DAB1: variants seen among roughly 807,000 people sequenced by gnomAD.
DAB1 encodes DAB adaptor protein 1.
Under a neutral mutation model 64.6 loss-of-function variants are expected in DAB1, and 15 were observed. That is an observed-to-expected ratio of 0.23 (90% CI 0.16 to 0.36). DAB1 has a LOEUF of 0.36. Ranked by LOEUF, DAB1 falls within the 10% of genes least tolerant of loss-of-function variation. DAB1 has a pLI of 1.00. For missense variants in DAB1, 596 were observed against 706.7 expected (o/e 0.84, Z 1.78); for synonymous variants, 235 against 251.9 (o/e 0.93, Z 0.64).
intron 1 of DAB1, among the ~76,000 whole-genome samples, chr1:57,390,755 T>A (rs981388038): frequency 1.3e-5 from 2 of 152,216 alleles, no homozygotes; most frequent in African/African-American, 4.8e-5. Context: ...CAGCCTATCT[T>A]AATCTTCCCA....
chr1:58,496,234 T>C (rs977266352), intron 3 of DAB1, among the ~76,000 whole-genome samples: 1 of 152,148 alleles, frequency 6.6e-6, no homozygotes, highest in East Asian at 1.9e-4. Context: ...TCCGCATCAA[T>C]GAGTCTTTGC....
Position 57,574,100 on chromosome 1 carries a change from G to A in DAB1, n.625+75492C>T, listed in dbSNP as rs6683128. Among the ~76,000 whole-genome samples, 550 of 152,310 alleles carry A rather than the reference G, an allele frequency of 3.6e-3. 6 individuals carry two copies. Among genetic ancestry groups the A allele is most frequent in the African/African-American group, 0.013 (529 of 41,558 alleles). Reference sequence around the variant, plus strand: ...GAAGTCCATATTGCAATATCCTGGGGATTTTTCCAAACTTTTGTTCAACTA... The same window carrying A: ...GAAGTCCATATTGCAATATCCTGGGAATTTTTCCAAACTTTTGTTCAACTA... On this transcript the variant is annotated intron_variant and non_coding_transcript_variant, in intron 7 of 20. Coordinates refer to the DAB1 transcript ENST00000485760.
chr1:58,361,407 A>G (rs6695605), intron 3 of DAB1, among the ~76,000 whole-genome samples: 30,695 of 152,250 alleles, frequency 0.2, 3,182 homozygotes, highest in Middle Eastern at 0.3. Context: ...CCCCACTATC[A>G]TGCAATGACC....
chr1:57,074,739 T>C (rs1214470467), intron 4 of DAB1, among the ~76,000 whole-genome samples: 1 of 152,188 alleles, frequency 6.6e-6, no homozygotes, highest in Non-Finnish European at 1.5e-5. Flanking sequence ...GACTGCTCAG[T>C]TACCCTAGTC....
At chr1:57,688,126 C>A (rs12068556) in intron 6 of DAB1, among the ~76,000 whole-genome samples, 1,689 of 152,158 alleles carry the variant, frequency 0.011, 27 homozygotes, top group African/African-American at 0.039. Flanking sequence ...AATAAACAGA[C>A]AACCAACAGA....
Position 57,319,943 on chromosome 1 carries a change from G to T in DAB1, c.-136-28777C>A, listed in dbSNP as rs1050055286. ...ATCTATAGCAGCTATCCTGGGACCA[G>T]GAAGCAATTAATCTAAGGATGGCAC... On this transcript the variant is annotated intron_variant, in intron 1 of 14. Transcript: ENST00000371236. 5.5e-4 allele frequency among the ~76,000 whole-genome samples: 84 copies of T among 152,172 alleles called. 2 individuals are homozygous for T. The highest frequency in any genetic ancestry group is 2.9e-5 in the Non-Finnish European group (2 of 68,034).
In DAB1 at chr1:58,178,304, GCACATGCACACA is replaced by G. The variant is rs144068968; in HGVS notation, n.310-27728_310-27717del. Among the ~76,000 whole-genome samples the G allele has an allele frequency of 9.2e-5, 14 of 152,026 alleles. No homozygotes were observed. The East Asian group carries it at 2.7e-3, about 29-fold the overall frequency. ...TCCGAAGCACAGAAAACACACATAC[GCACATGCACACA>G]CACATGCATGCATACATGCACATAT... On this transcript the variant is annotated intron_variant and non_coding_transcript_variant, in intron 4 of 20. Transcript: ENST00000485760.
intron 7 of DAB1, among the ~76,000 whole-genome samples, chr1:57,499,442 G>A (rs12117185): frequency 0.11 from 17,136 of 152,170 alleles, 1,353 homozygotes; most frequent in Non-Finnish European, 0.18. Context: ...TATATTTATC[G>A]CACAGAGTGA....
intron 1 of DAB1, chr1:57,867,073 T>C (rs1361325330): frequency 1.3e-5 from 2 of 152,124 alleles, no homozygotes; most frequent in African/African-American, 4.8e-5. Context: ...ATTTACCAAA[T>C]TGCAAAGGAA....
intron 2 of DAB1, among the ~76,000 whole-genome samples, chr1:57,192,121 A>G (rs1290260925): frequency 6.6e-6 from 1 of 152,124 alleles, no homozygotes; most frequent in Non-Finnish European, 1.5e-5. Flanking sequence ...GTTTGAGACT[A>G]GCCTTGCCAA....
intron 1 of DAB1, among the ~76,000 whole-genome samples, chr1:57,856,984 T>G (rs1653784562): frequency 6.6e-6 from 1 of 152,172 alleles, no homozygotes; most frequent in African/African-American, 2.4e-5. Flanking sequence ...ATGATGATCA[T>G]GACCTGTGCA....
intron 9 of DAB1, among the ~76,000 whole-genome samples, chr1:57,051,313 G>A (rs1649161189): frequency 1.3e-5 from 2 of 152,198 alleles, no homozygotes; most frequent in Admixed American, 1.3e-4. Flanking sequence ...GGTGCTTAAT[G>A]AGGAAGTGAA....
intron 5 of DAB1, among the ~76,000 whole-genome samples, chr1:58,145,071 C>T (rs1161602216): frequency 2.0e-5 from 3 of 152,188 alleles, no homozygotes; most frequent in Non-Finnish European, 2.9e-5. Flanking sequence ...AAACAAGAGA[C>T]GGAAACCTTT....
chr1:57,447,911 C>T (rs1172395278), intron 7 of DAB1, among the ~76,000 whole-genome samples: 1 of 152,114 alleles, frequency 6.6e-6, no homozygotes, highest in Admixed American at 6.5e-5. Flanking sequence ...CTGAATGAAG[C>T]AATGATGGCA....
intron 3 of DAB1, among the ~76,000 whole-genome samples, chr1:58,419,271 A>G (rs1023706631): frequency 6.6e-6 from 1 of 152,214 alleles, no homozygotes; most frequent in African/African-American, 2.4e-5. Flanking sequence ...GTATGAAACC[A>G]TAAGACTCTC....
intron 4 of DAB1, among the ~76,000 whole-genome samples, chr1:58,289,737 A>G (rs568986101): frequency 3.3e-5 from 5 of 152,330 alleles, no homozygotes; most frequent in African/African-American, 1.2e-4. Context: ...TAGTTAATTC[A>G]TGGAGGCAGA....
intron 7 of DAB1, among the ~76,000 whole-genome samples, chr1:57,637,846 T>C (rs919687388): frequency 6.6e-6 from 1 of 152,160 alleles, no homozygotes; most frequent in Non-Finnish European, 1.5e-5. Flanking sequence ...CTGATAAAGA[T>C]AAAAACTTGC....
intron 12 of DAB1, among the ~76,000 whole-genome samples, chr1:57,014,403 A>T (rs909117793): frequency 2.0e-5 from 3 of 152,206 alleles, no homozygotes; most frequent in African/African-American, 7.2e-5. Context: ...AATGTTTAAA[A>T]CTTGTTCCCC....
At chr1:58,327,205 CTTTG>C (rs1338846020) in intron 4 of DAB1, among the ~76,000 whole-genome samples, 3 of 151,984 alleles carry the variant, frequency 2.0e-5, no homozygotes, top group Admixed American at 1.3e-4. Context: ...CCACGTTGAA[CTTTG>C]TTTGATAAAT....
Sources: gnomAD v4.1 joint callset for allele counts (sites outside exome capture counted in the v4.1 genomes callset) on GRCh38, gnomAD v4.1.1 for gene constraint, MANE v1.5 for transcripts, NCBI Gene and HGNC (gene_info 2026-07-23, HGNC 2026-07-21) for gene names.